DISC1: variants seen among roughly 807,000 people sequenced by gnomAD.
DISC1 encodes the protein disrupted in schizophrenia 1 protein.
DISC1 carries 57 observed loss-of-function variants against 84.5 expected under a neutral mutation model. The ratio of observed to expected loss-of-function variants is 0.67; its 90% CI spans 0.55 to 0.84. The LOEUF (loss-of-function observed/expected upper bound fraction) is 0.84. Ranked by LOEUF, DISC1 falls within the 40% of genes least tolerant of loss-of-function variation. DISC1 has a pLI of 0.00. For synonymous variants in DISC1, 411 were observed against 415.2 expected, an observed-to-expected ratio of 0.99 and a Z score of 0.12; for missense variants, 1,000 against 1,057.8, an observed-to-expected ratio of 0.95 and a Z score of 0.76.
chr1:232,009,415 A>T lies in DISC1; in HGVS notation c.2307+366A>T. 2 of 654,238 alleles carry T rather than the reference A, an allele frequency of 3.1e-6. No individual in the cohort carries two copies. The highest frequency in any genetic ancestry group is 3.8e-6 in the Non-Finnish European group (2 of 521,690). 40.5% of individuals were successfully genotyped at this position (654,238 alleles called of 1,614,324 possible). The stretch of plus-strand genomic sequence containing the variant: ...TTATATATGCCATACATGATATTTA[A>T]CATATATACTATACATTATGTATTG... On this transcript the variant is annotated intron_variant, in intron 11 of 12. Transcript: ENST00000439617. This position sits in a 1 kb window ranked among gnomAD's most constrained non-coding sequence, Gnocchi z 4.6.
Position 231,630,655 on chromosome 1 carries a change from C to A in DISC1, c.67+3721C>A, listed in dbSNP as rs2058640872. ...CCGTTTAGTAATATAAGACTTTTAG[C>A]CTCGAGGAGTCTTCCGTTGTTAGTT... On this transcript the variant is annotated intron_variant, in intron 1 of 12. Coordinates refer to ENST00000439617, the MANE Select transcript of DISC1 (RefSeq NM_018662.3). The surrounding 1 kb of genome is among the most constrained non-coding windows in gnomAD (Gnocchi z 4.4). 6.6e-6 allele frequency among the ~76,000 whole-genome samples: 1 copy of A among 152,104 alleles called. No individual in the cohort carries two copies. Among genetic ancestry groups the A allele is most frequent in the Admixed American group, 6.6e-5 (1 of 15,262 alleles).
rs188230267 is a variant in DISC1 at position 231,837,278 on chromosome 1, A to G, written c.1981+18761A>G. 4.4e-3 allele frequency among the ~76,000 whole-genome samples: 665 copies of G among 152,320 alleles called. 8 individuals are homozygous for G. Among genetic ancestry groups the G allele is most frequent in the African/African-American group, 0.016 (645 of 41,564 alleles). ...CCTGTCTTGCCAGGCTCCATTAGGT[A>G]TATAAACCAGCTCGTGGCTGTCACC... On this transcript the variant is annotated intron_variant, in intron 9 of 12. Coordinates refer to ENST00000439617, the MANE Select transcript of DISC1 (RefSeq NM_018662.3).
chr1:231,723,988 T>C (rs1399251856), intron 3 of DISC1: 2 of 985,356 alleles, frequency 2.0e-6, no homozygotes, highest in Non-Finnish European at 2.4e-6. Flanking sequence ...TGACCCTGTA[T>C]ATACATAGAA....
At chr1:231,986,550 C>T (rs997180713) in intron 10 of DISC1, among the ~76,000 whole-genome samples, 8 of 152,172 alleles carry the variant, frequency 5.3e-5, no homozygotes, top group African/African-American at 1.7e-4. Flanking sequence ...GTAAATCCTG[C>T]ATCTTTCAGA....
In DISC1 at chr1:231,978,161, A is replaced by G. The variant is rs140127905; in HGVS notation, c.2042+19273A>G. On this transcript the variant is annotated intron_variant, in intron 10 of 12. Transcript: ENST00000439617. Reference sequence around the variant, plus strand: ...GGCCGAGAATTTGATTTTATGGCCAAGAATGCTTCATCAATAGTATGACTT... The same window carrying G: ...GGCCGAGAATTTGATTTTATGGCCAGGAATGCTTCATCAATAGTATGACTT... 8.5e-5 allele frequency among the ~76,000 whole-genome samples: 13 copies of G among 152,296 alleles called. 1 individual carries two copies. The highest frequency in any genetic ancestry group is 2.9e-4 in the African/African-American group (12 of 41,554).
intron 9 of DISC1, among the ~76,000 whole-genome samples, chr1:231,958,526 G>A (rs927300391): frequency 1.3e-5 from 2 of 152,206 alleles, no homozygotes; most frequent in African/African-American, 2.4e-5. Flanking sequence ...AAGAGATAGA[G>A]CACATGTCAT....
chr1:231,950,485 C>T (rs1558771239), intron 9 of DISC1, among the ~76,000 whole-genome samples: 1 of 152,148 alleles, frequency 6.6e-6, no homozygotes, highest in Non-Finnish European at 1.5e-5. Flanking sequence ...CCTGTCTTTC[C>T]ATTTAGAAAA....
intron 9 of DISC1, among the ~76,000 whole-genome samples, chr1:231,865,374 T>C (rs547001770): frequency 6.6e-6 from 1 of 152,370 alleles, no homozygotes; most frequent in African/African-American, 2.4e-5. Context: ...GGTTTGTTTA[T>C]ATGTCGGCTT....
intron 9 of DISC1, among the ~76,000 whole-genome samples, chr1:231,941,983 C>T (rs1013042645): frequency 5.9e-5 from 9 of 151,876 alleles, no homozygotes; most frequent in African/African-American, 1.9e-4. Flanking sequence ...GGGAGCAGAG[C>T]GTGCCAGACA....
At chr1:231,902,144 C>G (rs1162442503) in intron 9 of DISC1, among the ~76,000 whole-genome samples, 1 of 152,108 alleles carries the variant, frequency 6.6e-6, no homozygotes, top group African/African-American at 2.4e-5. Flanking sequence ...AAGAGGGGCA[C>G]TGCCTCTTGA....
At chr1:231,646,441 G>A (rs1002589743) in intron 1 of DISC1, among the ~76,000 whole-genome samples, 5 of 152,092 alleles carry the variant, frequency 3.3e-5, no homozygotes, top group Admixed American at 2.6e-4. Context: ...TTTTGCTATT[G>A]TGAATAGTGC....
intron 9 of DISC1, among the ~76,000 whole-genome samples, chr1:231,874,689 A>T (rs918370027): frequency 2.7e-4 from 41 of 151,770 alleles, no homozygotes; most frequent in African/African-American, 9.7e-4. Flanking sequence ...AGGTGGGCGG[A>T]TCACGAGGTC....
At chr1:232,016,145 A>G (rs1668473443) in intron 11 of DISC1, among the ~76,000 whole-genome samples, 1 of 152,228 alleles carries the variant, frequency 6.6e-6, no homozygotes, top group Non-Finnish European at 1.5e-5. Context: ...AAACGCTGAC[A>G]TTTAAAAACA....
intron 9 of DISC1, among the ~76,000 whole-genome samples, chr1:231,898,669 T>C (rs1009286508): frequency 2.0e-5 from 3 of 152,196 alleles, no homozygotes; most frequent in African/African-American, 7.2e-5. Context: ...TGGTGGCTCA[T>C]GCCTGTAATC....
At chr1:231,885,502 G>A (rs9431714) in intron 9 of DISC1, among the ~76,000 whole-genome samples, 51,527 of 152,056 alleles carry the variant, frequency 0.34, 8,924 homozygotes, top group Middle Eastern at 0.41. Context: ...ATTCAAGCCC[G>A]ATGTAGCCTG....
intron 8 of DISC1, among the ~76,000 whole-genome samples, chr1:231,808,949 C>T (rs186907622): frequency 2.0e-5 from 3 of 152,266 alleles, no homozygotes; most frequent in Non-Finnish European, 4.4e-5. Context: ...GGAGGGCAGT[C>T]CTTTGTCCCT....
At chr1:231,701,689 C>T (rs2066439209) in intron 2 of DISC1, among the ~76,000 whole-genome samples, 1 of 152,120 alleles carries the variant, frequency 6.6e-6, no homozygotes, top group Non-Finnish European at 1.5e-5. Flanking sequence ...GATGAGGGCA[C>T]AGTGTGATGT....
chr1:231,768,137 C>A (rs1388046650), intron 5 of DISC1, among the ~76,000 whole-genome samples: 2 of 152,098 alleles, frequency 1.3e-5, no homozygotes, highest in Non-Finnish European at 2.9e-5. Flanking sequence ...GACAGGGCAC[C>A]CCAGAGGCAG....
rs35448234 is a variant in DISC1 at position 232,027,793 on chromosome 1, C to CTGTGTGTGTG, written c.2425+1269_2425+1278dup. Reference sequence around the variant, plus strand: ...TCCAGTTTTTACCATACTTTATGGGCTGTGTGTGTGTGTGTGTGTGTGTGT... The same window carrying CTGTGTGTGTG: ...TCCAGTTTTTACCATACTTTATGGGCTGTGTGTGTGTGTGTGTGTGTGTGTGTGTGTGTGT... On this transcript the variant is annotated intron_variant, in intron 12 of 12. Coordinates refer to ENST00000439617, the MANE Select transcript of DISC1 (RefSeq NM_018662.3). Among the ~76,000 whole-genome samples, 708 of 143,420 alleles carry CTGTGTGTGTG rather than the reference C, an allele frequency of 4.9e-3. 5 individuals carry two copies. The highest frequency in any genetic ancestry group is 0.014 in the African/African-American group (545 of 38,944). The allele number at this position is 143,420 out of a possible 152,430, so 94.1% of individuals were successfully genotyped here.
Sources: gnomAD v4.1 joint callset for allele counts (sites outside exome capture counted in the v4.1 genomes callset) on GRCh38, gnomAD v4.1.1 for gene constraint, Gnocchi (gnomAD v3.1) non-coding constraint, MANE v1.5 for transcripts, NCBI Gene and HGNC (gene_info 2026-07-23, HGNC 2026-07-21) for gene names.